The following ACOX3 variants were observed in gnomAD, a reference collection of about 807,000 sequenced individuals.
ACOX3 encodes peroxisomal acyl-coenzyme A oxidase 3.
Under a neutral mutation model 81.5 loss-of-function variants are expected in ACOX3, and 73 were observed. The ratio of observed to expected loss-of-function variants is 0.90; its 90% confidence interval spans 0.74 to 1.09. The LOEUF is 1.09. Among genes scored for constraint, ACOX3 ranks in the 50% least tolerant of loss-of-function variants. ACOX3 has a pLI of 0.00. For synonymous variants in ACOX3, 387 were observed against 375.1 expected (o/e 1.03, Z -0.37); for missense variants, 947 against 928.0 (o/e 1.02, Z -0.27).
In ACOX3 at chr4:8,414,781, T is replaced by C. The variant is rs140215173; in HGVS notation, c.453+73A>G. 716 of 1,504,054 alleles carry C rather than the reference T, an allele frequency of 4.8e-4. No individual in the cohort carries two copies. The African/African-American group carries it at 9.1e-3, about 19-fold the overall frequency. The allele number at this position is 1,504,054 out of a possible 1,614,324, so 93.2% of individuals were successfully genotyped here. ...CCCTGGGCACCCCCTTCTACAATCT[T>C]CTCTTTTCACAAATCTCTACAGAGA... On this transcript the variant is annotated intron_variant, in intron 4 of 17. Coordinates refer to ENST00000356406, the MANE Select transcript of ACOX3 (RefSeq NM_003501.3). The surrounding 1 kb of genome is among the most constrained non-coding windows in gnomAD (Gnocchi z 6.1).
In ACOX3 at chr4:8,370,892, C is replaced by T. The variant is rs922457970; in HGVS notation, c.1983+16G>A. 3.7e-6 allele frequency: 6 copies of T among 1,612,328 alleles called. No homozygotes were observed. The highest frequency in any genetic ancestry group is 5.1e-6 in the Non-Finnish European group (6 of 1,179,192). On this transcript the variant is annotated intron_variant, in intron 17 of 17. Transcript: ENST00000356406. This position sits in a 1 kb window ranked among gnomAD's most constrained non-coding sequence, Gnocchi z 6.3. ...AACCCTTGGGGCACTCCCGTGAGGCCCTGTCCTCCCTTTACCTCGCCGTCG... is the reference window on the plus strand; with the variant it reads ...AACCCTTGGGGCACTCCCGTGAGGCTCTGTCCTCCCTTTACCTCGCCGTCG...
the ACOX3 span, chr4:8,358,330 A>C: frequency 6.6e-6 from 1 of 152,170 alleles, no homozygotes; most frequent in Non-Finnish European, 1.5e-5. Context: ...CGGAGGCTTC[A>C]TCAACATAAC....
downstream of ACOX3, among the ~76,000 whole-genome samples, chr4:8,363,179 C>A (rs910169780): frequency 1.2e-4 from 19 of 152,210 alleles, no homozygotes; most frequent in African/African-American, 4.6e-4. Flanking sequence ...TATTCTAATT[C>A]TGGGCACATT....
rs969457780 is a variant in ACOX3, at chr4:8,393,356, C to T, written c.1180-903G>A. ...AAAAAAAATTAGCCAGGTGTGGTGG[C>T]GGGCACCTGTAGTCCCAGCTAGTCT... On this transcript the variant is annotated intron_variant, in intron 10 of 17. Transcript: ENST00000356406. Among the ~76,000 whole-genome samples, 29 of 91,134 alleles carry T rather than the reference C, an allele frequency of 3.2e-4. 3 individuals carry two copies. Among genetic ancestry groups the T allele is most frequent in the Admixed American group, 2.0e-3 (21 of 10,592 alleles). The allele number at this position is 91,134 out of a possible 152,430, so 59.8% of individuals were successfully genotyped here.
chr4:8,404,243 G>C (rs561038977), intron 7 of ACOX3, among the ~76,000 whole-genome samples: 2 of 152,174 alleles, frequency 1.3e-5, no homozygotes, highest in Non-Finnish European at 2.9e-5. Context: ...CATGCCAAGC[G>C]CCTCCCAGGC....
At chr4:8,367,986 T>C (rs1203806357) in intron 17 of ACOX3, among the ~76,000 whole-genome samples, 5 of 149,426 alleles carry the variant, frequency 3.3e-5, no homozygotes, top group African/African-American at 9.9e-5. Context: ...AGTGAGATCC[T>C]ATCTCAAAAA....
intron 14 of ACOX3, among the ~76,000 whole-genome samples, chr4:8,375,913 C>T (rs964011402): frequency 3.9e-5 from 6 of 152,196 alleles, no homozygotes; most frequent in South Asian, 2.1e-4. Flanking sequence ...TCCAGTCCAC[C>T]GCTGATGGGC....
rs1309243789 is a variant in ACOX3 at position 8,432,499 on chromosome 4, C to T, written c.-15+8149G>A. 1.3e-5 allele frequency among the ~76,000 whole-genome samples: 2 copies of T among 152,170 alleles called. No individual in the cohort carries two copies. The highest frequency in any genetic ancestry group is 6.5e-5 in the Admixed American group (1 of 15,274). ...CCACCCACCTCGGCCTCCCAATGTG[C>T]TGGGATTACAGGCGTGAGCCACCGC... On this transcript the variant is annotated intron_variant, in intron 1 of 17. Transcript: ENST00000356406. This position sits in a 1 kb window ranked among gnomAD's most constrained non-coding sequence, Gnocchi z 6.2.
rs948632796 is a variant in ACOX3 at position 8,385,469 on chromosome 4, G to A, written c.1537+3704C>T. Among the ~76,000 whole-genome samples, 13 of 152,312 alleles carry A rather than the reference G, an allele frequency of 8.5e-5. No homozygotes were observed. Among genetic ancestry groups the A allele is most frequent in the African/African-American group, 1.9e-4 (8 of 41,564 alleles). Reference sequence around the variant, plus strand: ...GCAGTCCACAAATACACACGTGTCCGAGTAGTGAACACTGCAACTGCTTAC... The same window carrying A: ...GCAGTCCACAAATACACACGTGTCCAAGTAGTGAACACTGCAACTGCTTAC... On this transcript the variant is annotated intron_variant, in intron 13 of 17. Coordinates refer to ENST00000356406, the MANE Select transcript of ACOX3 (RefSeq NM_003501.3). This position sits in a 1 kb window ranked among gnomAD's most constrained non-coding sequence, Gnocchi z 5.5.
In ACOX3 at chr4:8,394,472, G is replaced by A. The variant is rs780000425; in HGVS notation, c.1179+148C>T. ...CCCGTTCAATCGCGGCAGAGGCCAA[G>A]AGCTCCGAGTGGGTGGGAACAACTG... On this transcript the variant is annotated intron_variant, in intron 10 of 17. Coordinates refer to ENST00000356406, the MANE Select transcript of ACOX3 (RefSeq NM_003501.3). The surrounding 1 kb of genome is among the most constrained non-coding windows in gnomAD (Gnocchi z 5.9). 3 of 1,290,092 alleles carry A rather than the reference G, an allele frequency of 2.3e-6. No individual in the cohort carries two copies. The highest frequency in any genetic ancestry group is 3.1e-6 in the Non-Finnish European group (3 of 967,670). The allele number at this position is 1,290,092 out of a possible 1,614,324, so 79.9% of individuals were successfully genotyped here. A position where few individuals can be genotyped will look rare whatever the true frequency, so the allele number is the denominator to read the frequency against.
intron 6 of ACOX3, among the ~76,000 whole-genome samples, chr4:8,408,382 T>C (rs1721258628): frequency 6.6e-6 from 1 of 152,088 alleles, no homozygotes; most frequent in Non-Finnish European, 1.5e-5. Flanking sequence ...ACTGTTTCCA[T>C]CCCTCCTTAT....
chr4:8,410,272 C>T lies in ACOX3; in HGVS notation c.627G>A (p.Val209=). 1 of 1,614,142 alleles carries T rather than the reference C, an allele frequency of 6.2e-7. No homozygotes were observed. Among genetic ancestry groups the T allele is most frequent in the South Asian group, 1.1e-5 (1 of 91,088 alleles). Residue 209 remains valine, a synonymous_variant, in exon 6 of 18, where the codon GTG becomes GTA. Coordinates refer to ENST00000356406, the MANE Select transcript of ACOX3 (RefSeq NM_003501.3). ...CCCCTGGCACACACAGCTTAGCAAACACCACCGCGTGAGTGGCTGTCTTGC... is the reference window on the plus strand; with the variant it reads ...CCCCTGGCACACACAGCTTAGCAAATACCACCGCGTGAGTGGCTGTCTTGC... The part of the protein sequence containing the change: ...NMGKTATHAV[V]FAKLCVPGDQ...
chr4:8,387,226 A>C (rs1034534327), intron 13 of ACOX3, among the ~76,000 whole-genome samples: 1 of 152,246 alleles, frequency 6.6e-6, no homozygotes, highest in Non-Finnish European at 1.5e-5. Flanking sequence ...TCCACGGTAC[A>C]AACACCTTAT....
rs114126152 is a variant in ACOX3 at position 8,389,271 on chromosome 4, C to T, written c.1439G>A (p.Arg480His). Reference sequence around the variant, plus strand: ...AAAGTCCACTGACTTCAGCGGACTGCGGAAGCAAGCTCCATCTAGGACACA... The same window carrying T: ...AAAGTCCACTGACTTCAGCGGACTGTGGAAGCAAGCTCCATCTAGGACACA... Reference protein sequence around the residue: ...AHQVHDGACFRSPLKSVDFLD... With the variant: ...AHQVHDGACFHSPLKSVDFLD... Residue 480 changes from arginine to histidine, a missense_variant, in exon 13 of 18, where the codon CGC becomes CAC. Transcript: ENST00000356406. This position sits in a 1 kb window ranked among gnomAD's most constrained non-coding sequence, Gnocchi z 5.3. 2.1e-5 allele frequency: 34 copies of T among 1,612,690 alleles called. No homozygotes were observed. The highest frequency in any genetic ancestry group is 5.3e-5 in the African/African-American group (4 of 75,024).
At chr4:8,365,831 A>G (rs528898905), downstream of ACOX3, among the ~76,000 whole-genome samples, 1 of 152,290 alleles carries the variant, frequency 6.6e-6, no homozygotes, top group African/African-American at 2.4e-5. Context: ...TCAGTTTTTA[A>G]AAACATTCTG....
At position 8,418,626 on chromosome 4, in the gene ACOX3, G is replaced by A. The variant is rs558989152; in HGVS notation, c.-14-2091C>T. On this transcript the variant is annotated intron_variant, in intron 1 of 17. Coordinates refer to ENST00000356406, the MANE Select transcript of ACOX3 (RefSeq NM_003501.3). ...ACACCTGTAATCCCTTTGGGAGGCC[G>A]AGACGGGCGGATCACCTGAGGTCAG... Among the ~76,000 whole-genome samples, 4 of 152,246 alleles carry A rather than the reference G, an allele frequency of 2.6e-5. No individual in the cohort carries two copies. The East Asian group carries it at 5.8e-4, about 22-fold the overall frequency.
At chr4:8,435,672 A>G (rs2109052258) in intron 1 of ACOX3, among the ~76,000 whole-genome samples, 1 of 152,324 alleles carries the variant, frequency 6.6e-6, no homozygotes, top group East Asian at 1.9e-4. Flanking sequence ...AATATAGACA[A>G]AAACCAGCAT....
chr4:8,392,396 A>G lies in ACOX3; in HGVS notation c.1237T>C (p.Trp413Arg), dbSNP rs1719103485. The G allele has an allele frequency of 6.2e-7, 1 of 1,609,700 alleles. No homozygotes were observed. The highest frequency in any genetic ancestry group is 1.3e-5 in the African/African-American group (1 of 74,902). Residue 413 changes from tryptophan to arginine, a missense_variant, in exon 11 of 18, where the codon TGG becomes CGG. Coordinates refer to ENST00000356406, the MANE Select transcript of ACOX3 (RefSeq NM_003501.3). ...LASASKPLAS[W>R]TTQQGIQECR... ...TCCTGAATTCCTTGCTGGGTGGTCC[A>G]CGAGGCCAGGGGCTTGCTGGCCGAT... is the stretch of plus-strand genomic sequence containing the variant.
Position 8,431,070 on chromosome 4 carries a change from T to C in ACOX3, c.-15+9578A>G, listed in dbSNP as rs902888949. Reference sequence around the variant, plus strand: ...AGGGTGGAGAGGGAGCTGAGTGGCTTTTTATTGTTGGTTCTATTTAAGTTA... The same window carrying C: ...AGGGTGGAGAGGGAGCTGAGTGGCTCTTTATTGTTGGTTCTATTTAAGTTA... On this transcript the variant is annotated intron_variant, in intron 1 of 17. Coordinates refer to ENST00000356406, the MANE Select transcript of ACOX3 (RefSeq NM_003501.3). This position sits in a 1 kb window ranked among gnomAD's most constrained non-coding sequence, Gnocchi z 5.3. Among the ~76,000 whole-genome samples the C allele has an allele frequency of 1.3e-5, 2 of 151,988 alleles. No homozygotes were observed. Among genetic ancestry groups the C allele is most frequent in the African/African-American group, 4.8e-5 (2 of 41,362 alleles).
Sources: allele counts gnomAD v4.1 joint callset (sites outside exome capture counted in the v4.1 genomes callset), GRCh38; gene constraint gnomAD v4.1.1; non-coding constraint Gnocchi (gnomAD v3.1); transcripts MANE v1.5; gene names NCBI Gene and HGNC (gene_info 2026-07-23, HGNC 2026-07-21).